BORA: variants seen among roughly 807,000 people sequenced by gnomAD.
The protein encoded by BORA is protein aurora borealis.
In BORA, 26 loss-of-function variants were observed where a neutral mutation model predicts 55.8. That is an observed-to-expected ratio of 0.47 (90% confidence interval 0.34 to 0.65). The LOEUF is 0.65. Among genes scored for constraint, BORA ranks in the 30% least tolerant of loss-of-function variants. BORA has a pLI of 0.01. For synonymous variants in BORA, 201 were observed against 216.9 expected (o/e 0.93, Z 0.64); for missense variants, 568 against 671.5 (o/e 0.85, Z 1.70).
intron 11 of BORA, chr13:72,754,499 T>C (rs1036047235): frequency 1.3e-5 from 2 of 151,994 alleles, no homozygotes; most frequent in African/African-American, 2.4e-5. Context: ...TCTTATAAAA[T>C]ACTATAAATA....
At position 72,755,170 on chromosome 13, in the gene BORA, G is replaced by T. The variant is rs779794480; in HGVS notation, c.1634G>T (p.Arg545Met). The T allele has an allele frequency of 6.2e-7, 1 of 1,613,764 alleles. No homozygotes were observed. The highest frequency in any genetic ancestry group is 1.7e-5 in the Admixed American group (1 of 60,016). Residue 545 changes from arginine to methionine, a missense_variant, in exon 12 of 12, where the codon AGG (arginine) becomes ATG (methionine). Coordinates refer to ENST00000390667, the MANE Select transcript of BORA (RefSeq NM_024808.5). ...TCACAGCAAGACCACACAACACAGA[G>T]GTGTTGGATGAAAACAGCAAGCCCT... ...FNMKQDHTTQ[R>M]CWMKTASPFQ... is the part of the protein sequence containing the mutation.
rs748455063 is a variant in BORA at position 72,755,173 on chromosome 13, G to T, written c.1637G>T (p.Cys546Phe). 43 of 1,613,708 alleles carry T rather than the reference G, an allele frequency of 2.7e-5. 1 individual carries two copies. In the South Asian group the frequency reaches 4.7e-4, roughly 18 times the overall value. Residue 546 changes from cysteine to phenylalanine, a missense_variant, in exon 12 of 12, where the codon TGT becomes TTT. Cys to Phe is a radical substitution (Grantham distance 205). Coordinates refer to ENST00000390667, the MANE Select transcript of BORA (RefSeq NM_024808.5). ...NMKQDHTTQR[C>F]WMKTASPFQC... ...CAGCAAGACCACACAACACAGAGGT[G>T]TTGGATGAAAACAGCAAGCCCTTTT...
At chr13:72,730,982 C>T (rs1232614855) in intron 2 of BORA, among the ~76,000 whole-genome samples, 5 of 151,394 alleles carry the variant, frequency 3.3e-5, no homozygotes, top group African/African-American at 4.9e-5. Context: ...GCAGGAGAAT[C>T]GCTTGAACCG....
intron 1 of BORA, among the ~76,000 whole-genome samples, chr13:72,728,561 A>T (rs764100608): frequency 2.0e-5 from 3 of 152,218 alleles, no homozygotes; most frequent in Non-Finnish European, 4.4e-5. Context: ...TTTAAAAAAA[A>T]TTGTAGCTAT....
intron 11 of BORA, 67 bp downstream of exon 11, chr13:72,753,888 T>C: frequency 7.1e-7 from 1 of 1,409,584 alleles, no homozygotes; most frequent in East Asian, 2.5e-5. Context: ...TTTTGATTAT[T>C]AGACAATAGT....
intron 5 of BORA, among the ~76,000 whole-genome samples, chr13:72,738,822 A>T (rs1280905635): frequency 1.3e-5 from 2 of 152,228 alleles, no homozygotes; most frequent in African/African-American, 2.4e-5. Flanking sequence ...GTAATTTCTT[A>T]TAACTCATAT....
chr13:72,731,299 T>C lies in BORA; in HGVS notation c.172T>C (p.Trp58Arg), dbSNP rs1436440082. The C allele has an allele frequency of 1.9e-6, 3 of 1,609,896 alleles. No homozygotes were observed. The highest frequency in any genetic ancestry group is 2.5e-6 in the Non-Finnish European group (3 of 1,177,614). ...TGTTAAGACTCCAGGGAAATTTAGA[T>C]GGTCTATTGATCAACTAGCTGTAAT... ...TKLPTPGKFR[W>R]SIDQLAVINP... Residue 58 changes from tryptophan (W) to arginine (R), a missense_variant, in exon 3 of 12, where the codon TGG (tryptophan) becomes CGG (arginine). Coordinates refer to ENST00000390667, the MANE Select transcript of BORA (RefSeq NM_024808.5).
intron 10 of BORA, among the ~76,000 whole-genome samples, chr13:72,751,862 G>A (rs183004438): frequency 3.7e-4 from 57 of 152,252 alleles, no homozygotes; most frequent in South Asian, 2.3e-3. Flanking sequence ...GTAATTGTGT[G>A]TCAGTTTAAA....
chr13:72,747,165 C>T (rs1265890482), intron 10 of BORA, 54 bp downstream of exon 10: 1 of 1,555,066 alleles, frequency 6.4e-7, no homozygotes, highest in African/African-American at 1.4e-5. Flanking sequence ...TGTTCTTTAT[C>T]CTTTCTAAGA....
intron 10 of BORA, 35 bp downstream of exon 10, chr13:72,747,146 C>T: frequency 6.3e-7 from 1 of 1,593,962 alleles, no homozygotes; most frequent in Non-Finnish European, 8.5e-7. Context: ...CCCTTCCTCA[C>T]TGCCTTGGTG....
Position 72,743,577 on chromosome 13 carries a change from G to T in BORA, c.429G>T (p.Leu143=). 6.2e-7 allele frequency: 1 copy of T among 1,609,954 alleles called. No homozygotes were observed. The highest frequency in any genetic ancestry group is 8.5e-7 in the Non-Finnish European group (1 of 1,178,288). The change falls in exon 6 of 12, where the codon CTG becomes CTT. Residue 143 remains leucine, a synonymous_variant. Coordinates refer to ENST00000390667, the MANE Select transcript of BORA (RefSeq NM_024808.5). ...INSDSPVGKK[L]TIHSEKSDAA... is the part of the protein sequence containing the mutation. ...GTGACTCTCCAGTTGGAAAAAAGCT[G>T]ACCATTCATTCTGAGAAAAGCGATG...
At position 72,746,945 on chromosome 13, in the gene BORA, T is replaced by C. The variant is rs751669863; in HGVS notation, c.1316T>C (p.Ile439Thr). The change falls in exon 10 of 12, where the codon ATA (isoleucine) becomes ACA (threonine). Residue 439 changes from isoleucine (I) to threonine (T), a missense_variant. Transcript: ENST00000390667. ...DNNTVDMVDPIEIADETTWIK... is the reference protein window; with the variant it reads ...DNNTVDMVDPTEIADETTWIK... The stretch of plus-strand genomic sequence containing the variant: ...AACACTGTGGATATGGTTGATCCTA[T>C]AGAGATAGCAGATGAGACCACTTGG... 23 of 1,614,068 alleles carry C rather than the reference T, an allele frequency of 1.4e-5. No individual in the cohort carries two copies. The highest frequency in any genetic ancestry group is 1.9e-5 in the Non-Finnish European group (23 of 1,179,978).
At chr13:72,742,333 GTTTTTGAGTTTTTT>G (rs1423522078) in intron 5 of BORA, among the ~76,000 whole-genome samples, 1 of 151,396 alleles carries the variant, frequency 6.6e-6, no homozygotes, top group Non-Finnish European at 1.5e-5. Context: ...GATGGTTTTG[GTTTTTGAGTTTTTT>G]TAATCTGGTG....
rs192486092 is a variant in BORA, at chr13:72,748,682, C to T, written c.1482+1571C>T. Among the ~76,000 whole-genome samples the T allele has an allele frequency of 9.5e-4, 145 of 152,118 alleles. No homozygotes were observed. In the Middle Eastern group the frequency reaches 0.02, roughly 21 times the overall value. Reference sequence around the variant, plus strand: ...GCACATATAGGCTTAAAAGTATATGCCTTAAAGGCATTGTTTGCTGCTTTT... The same window carrying T: ...GCACATATAGGCTTAAAAGTATATGTCTTAAAGGCATTGTTTGCTGCTTTT... On this transcript the variant is annotated intron_variant, in intron 10 of 11. Coordinates refer to ENST00000390667, the MANE Select transcript of BORA (RefSeq NM_024808.5).
intron 5 of BORA, among the ~76,000 whole-genome samples, chr13:72,738,641 C>G (rs1412288829): frequency 6.6e-6 from 1 of 152,094 alleles, no homozygotes; most frequent in South Asian, 2.1e-4. Flanking sequence ...ATATGCATCC[C>G]TCATCACAGT....
At chr13:72,742,262 G>T (rs1485887744) in intron 5 of BORA, among the ~76,000 whole-genome samples, 2 of 150,880 alleles carry the variant, frequency 1.3e-5, no homozygotes, top group African/African-American at 4.9e-5. Context: ...GGGGGGAGGG[G>T]GGGTTTGTTT....
chr13:72,738,073 A>T (rs747067736), intron 5 of BORA, 30 bp downstream of exon 5: 2 of 1,517,744 alleles, frequency 1.3e-6, no homozygotes, highest in Non-Finnish European at 1.8e-6. Flanking sequence ...TATGAATAAA[A>T]ATCAAAAAAG....
intron 3 of BORA, among the ~76,000 whole-genome samples, chr13:72,734,312 C>CTT (rs1015275013): frequency 8.6e-5 from 13 of 151,796 alleles, no homozygotes; most frequent in South Asian, 8.3e-4. Context: ...AGAAGTGGTC[C>CTT]TAGAAAGCTA....
At chr13:72,751,650 TAGG>T (rs1267548814) in intron 10 of BORA, among the ~76,000 whole-genome samples, 1 of 152,132 alleles carries the variant, frequency 6.6e-6, no homozygotes, top group Non-Finnish European at 1.5e-5. Flanking sequence ...TACAGCTCGA[TAGG>T]AGTAATTCTA....
Sources: gnomAD v4.1 joint callset for allele counts (sites outside exome capture counted in the v4.1 genomes callset) on GRCh38, gnomAD v4.1.1 for gene constraint, MANE v1.5 for transcripts, NCBI Gene and HGNC (gene_info 2026-07-23, HGNC 2026-07-21) for gene names.